The following SLIT3 variants were observed in gnomAD, a reference collection of about 807,000 sequenced individuals.
SLIT3 encodes the protein slit homolog 3 protein.
In SLIT3, 68 loss-of-function variants were observed where a neutral mutation model predicts 184.0. The ratio of observed to expected loss-of-function variants is 0.37; its 90% CI spans 0.30 to 0.45. The LOEUF is 0.45. Ranked by LOEUF, SLIT3 falls within the 20% of genes least tolerant of loss-of-function variation. The pLI is 1.00. For missense variants in SLIT3, 1,707 were observed against 2,026.0 expected, an observed-to-expected ratio of 0.84 and a Z score of 3.02; for synonymous variants, 831 against 828.6, an observed-to-expected ratio of 1.00 and a Z score of -0.05.
chr5:169,276,111 C>T (rs556193906), intron 1 of SLIT3, among the ~76,000 whole-genome samples: 2 of 152,194 alleles, frequency 1.3e-5, no homozygotes, highest in Admixed American at 6.5e-5. Flanking sequence ...AGCAATTGAA[C>T]GCTACACGAA....
intron 3 of SLIT3, among the ~76,000 whole-genome samples, chr5:169,226,158 CCCACTAACCA>C (rs1372415757): frequency 3.9e-5 from 6 of 152,068 alleles, no homozygotes; most frequent in Non-Finnish European, 8.8e-5. Context: ...CATCCTTATG[CCCACTAACCA>C]CTTACAGCTG....
At chr5:168,932,125 G>A (rs754155296) in intron 4 of SLIT3, among the ~76,000 whole-genome samples, 15 of 152,126 alleles carry the variant, frequency 9.9e-5, no homozygotes, top group Admixed American at 2.6e-4. Context: ...GCTGCCCACC[G>A]CAGAGATTGT....
intron 3 of SLIT3, among the ~76,000 whole-genome samples, chr5:169,217,646 G>A (rs555606266): frequency 3.9e-5 from 6 of 152,128 alleles, no homozygotes; most frequent in East Asian, 3.9e-4. Context: ...TTTACTGCAC[G>A]CTCAACACCA....
intron 1 of SLIT3, among the ~76,000 whole-genome samples, chr5:169,261,335 C>A (rs1020797634): frequency 4.6e-5 from 7 of 151,960 alleles, no homozygotes; most frequent in Non-Finnish European, 7.4e-5. Context: ...CAAAAAAAAA[C>A]CCCAGCATGT....
chr5:169,259,882 G>A (rs1047063801), intron 1 of SLIT3, among the ~76,000 whole-genome samples: 1 of 152,140 alleles, frequency 6.6e-6, no homozygotes, highest in African/African-American at 2.4e-5. Flanking sequence ...CTAAGACTCA[G>A]GAGATTCTTA....
Position 168,666,439 on chromosome 5 carries a change from C to T in SLIT3, c.*15G>A, listed in dbSNP as rs761651020. On this transcript the variant is annotated 3_prime_UTR_variant, in exon 36 of 36. Transcript: ENST00000519560. ...AAGCTGGAGTCCGAGAGGTGGCAGGCAGGCGGGCAGGGGCTTAGGAACACG... is the reference window on the plus strand; with the variant it reads ...AAGCTGGAGTCCGAGAGGTGGCAGGTAGGCGGGCAGGGGCTTAGGAACACG... 1.0e-5 allele frequency: 16 copies of T among 1,533,602 alleles called. No homozygotes were observed. The highest frequency in any genetic ancestry group is 1.4e-5 in the Non-Finnish European group (16 of 1,138,262). 95.0% of individuals were successfully genotyped at this position (1,533,602 alleles called of 1,614,324 possible).
At chr5:168,764,807 C>T (rs17732939) in intron 14 of SLIT3, among the ~76,000 whole-genome samples, 46,674 of 151,986 alleles carry the variant, frequency 0.31, 7,609 homozygotes, top group East Asian at 0.55. Context: ...CACAGTTATT[C>T]GAGTGGCTTC....
At chr5:169,016,978 T>C (rs1040075986) in intron 4 of SLIT3, among the ~76,000 whole-genome samples, 34 of 152,302 alleles carry the variant, frequency 2.2e-4, no homozygotes, top group Non-Finnish European at 4.6e-4. Flanking sequence ...TGAATCCCAC[T>C]CTTGAATCCA....
At chr5:168,851,572 C>A (rs1758681815) in intron 5 of SLIT3, among the ~76,000 whole-genome samples, 2 of 152,166 alleles carry the variant, frequency 1.3e-5, no homozygotes, top group South Asian at 4.1e-4. Flanking sequence ...AATGTGCTGT[C>A]ACACTTTGAG....
chr5:169,112,686 A>G, intron 4 of SLIT3, among the ~76,000 whole-genome samples: 1 of 152,088 alleles, frequency 6.6e-6, no homozygotes, highest in South Asian at 2.1e-4. Flanking sequence ...CATGGACTAC[A>G]TCACCAGCTT....
At position 169,038,722 on chromosome 5, in the gene SLIT3, G is replaced by A. The variant is rs576581742; in HGVS notation, c.413+154757C>T. 3.9e-5 allele frequency among the ~76,000 whole-genome samples: 6 copies of A among 152,214 alleles called. No homozygotes were observed. The East Asian group carries it at 1.2e-3, about 30-fold the overall frequency. ...ACGCTGCTATTTAGTGATGGAGATG[G>A]GATTCAGGTACAGGACTGTCCGGCT... On this transcript the variant is annotated intron_variant, in intron 4 of 35. Transcript: ENST00000519560.
intron 3 of SLIT3, among the ~76,000 whole-genome samples, chr5:169,235,903 G>A (rs572964979): frequency 3.3e-5 from 5 of 152,224 alleles, no homozygotes; most frequent in East Asian, 1.9e-4. Flanking sequence ...TTGATCACAC[G>A]GCTAAGGTGG....
chr5:169,238,837 GT>G (rs1413090506), intron 3 of SLIT3, among the ~76,000 whole-genome samples: 1 of 151,996 alleles, frequency 6.6e-6, no homozygotes, highest in African/African-American at 2.4e-5. Context: ...TTACATCATG[GT>G]TCCTTTGTAC....
chr5:169,024,734 T>G (rs1426421546), intron 4 of SLIT3: 1 of 152,076 alleles, frequency 6.6e-6, no homozygotes, highest in African/African-American at 2.4e-5. Flanking sequence ...AGCGGGGTGG[T>G]AACAGCCTGG....
At chr5:169,165,144 T>C (rs7704526) in intron 4 of SLIT3, among the ~76,000 whole-genome samples, 54,141 of 152,050 alleles carry the variant, frequency 0.36, 10,072 homozygotes, top group East Asian at 0.49. Context: ...GGGGAGGGGG[T>C]AACTAAAGGC....
intron 4 of SLIT3, among the ~76,000 whole-genome samples, chr5:168,976,512 C>T (rs955939287): frequency 6.6e-6 from 1 of 152,162 alleles, no homozygotes; most frequent in African/African-American, 2.4e-5. Flanking sequence ...AAACACAGAG[C>T]TGAGAGTATA....
intron 4 of SLIT3, among the ~76,000 whole-genome samples, chr5:168,901,336 C>T (rs1386830341): frequency 6.8e-6 from 1 of 147,668 alleles, no homozygotes; most frequent in East Asian, 2.0e-4. Context: ...TGCACTCGAG[C>T]CTGGGTGACA....
intron 16 of SLIT3, among the ~76,000 whole-genome samples, chr5:168,754,830 G>A (rs1325790844): frequency 1.3e-5 from 2 of 152,030 alleles, no homozygotes; most frequent in Admixed American, 6.6e-5. Context: ...AATGCTCTGG[G>A]GGACTGACAG....
chr5:168,802,357 G>A (rs778158565), intron 9 of SLIT3, among the ~76,000 whole-genome samples: 1 of 152,016 alleles, frequency 6.6e-6, no homozygotes, highest in Admixed American at 6.6e-5. Flanking sequence ...CCTCCAACCT[G>A]CTCTCAAGTT....
Sources: gnomAD v4.1 joint callset for allele counts (sites outside exome capture counted in the v4.1 genomes callset) on GRCh38, gnomAD v4.1.1 for gene constraint, MANE v1.5 for transcripts, NCBI Gene and HGNC (gene_info 2026-07-23, HGNC 2026-07-21) for gene names.